RET: variants seen among roughly 807,000 people sequenced by gnomAD.
RET encodes ret proto-oncogene, also known as proto-oncogene tyrosine-protein kinase receptor Ret.
A neutral mutation model predicts 118.3 loss-of-function variants in RET; 19 were observed. That is an observed-to-expected ratio of 0.16 (90% CI 0.11 to 0.24). The LOEUF is 0.24. RET is among the 10% of genes least tolerant of loss of function. RET has a pLI of 1.00. For missense variants in RET, 1,219 were observed against 1,502.1 expected, an observed-to-expected ratio of 0.81 and a Z score of 3.12; for synonymous variants, 597 against 644.1, an observed-to-expected ratio of 0.93 and a Z score of 1.11.
At position 43,129,913 on chromosome 10, in the gene RET, G is replaced by C. The variant is rs117119161; in HGVS notation, c.*1644G>C. Reference sequence around the variant, plus strand: ...TATCTATAGACATGGTAAACTTTTGGTTTTCAGATATGCTTAATGATAGTC... The same window carrying C: ...TATCTATAGACATGGTAAACTTTTGCTTTTCAGATATGCTTAATGATAGTC... On this transcript the variant is annotated 3_prime_UTR_variant, in exon 20 of 20. Coordinates refer to ENST00000355710, the MANE Select transcript of RET (RefSeq NM_020975.6). 5.2e-4 allele frequency: 206 copies of C among 398,906 alleles called. No individual in the cohort carries two copies. In the Middle Eastern group the frequency reaches 0.014, roughly 27 times the overall value. The allele number at this position is 398,906 out of a possible 1,614,324, so 24.7% of individuals were successfully genotyped here.
chr10:43,108,209 G>A (rs898584117), intron 5 of RET, among the ~76,000 whole-genome samples: 10 of 151,822 alleles, frequency 6.6e-5, no homozygotes, highest in Non-Finnish European at 1.5e-4. Flanking sequence ...CAAAAAATTA[G>A]CCAGGCGTGG....
At position 43,119,704 on chromosome 10, in the gene RET, T is replaced by G. The variant is rs1838163811; in HGVS notation, c.2566T>G (p.Trp856Gly). Reference sequence around the variant, plus strand: ...CATGGGCGACCTCATCTCATTTGCCTGGCAGATCTCACAGGGGATGCAGTA... The same window carrying G: ...CATGGGCGACCTCATCTCATTTGCCGGGCAGATCTCACAGGGGATGCAGTA... ...LTMGDLISFAWQISQGMQYLA... is the reference protein window; with the variant it reads ...LTMGDLISFAGQISQGMQYLA... The change falls in exon 14 of 20, where the codon TGG (tryptophan) becomes GGG (glycine). Residue 856 changes from tryptophan (W) to glycine (G), a missense_variant. Transcript: ENST00000355710. 1 of 1,613,524 alleles carries G rather than the reference T, an allele frequency of 6.2e-7. No homozygotes were observed. The highest frequency in any genetic ancestry group is 1.3e-5 in the African/African-American group (1 of 75,036).
intron 18 of RET, 40 bp downstream of exon 18, chr10:43,125,022 T>C (rs1279713062): frequency 1.3e-6 from 2 of 1,590,200 alleles, no homozygotes; most frequent in African/African-American, 2.7e-5. Flanking sequence ...TGAAAGTGGC[T>C]TGGGGAGACT....
At position 43,108,264 on chromosome 10, in the gene RET, G is replaced by A. The variant is rs1837830357; in HGVS notation, c.1064-767G>A. Among the ~76,000 whole-genome samples the A allele has an allele frequency of 2.0e-5, 3 of 152,130 alleles. 1 individual carries two copies. The highest frequency in any genetic ancestry group is 4.4e-5 in the Non-Finnish European group (3 of 68,026). ...AGGAACCTGGGAGGCTGAGGTGGGA[G>A]GATGGCTGGAGCCTGGGAGGTCAAG... On this transcript the variant is annotated intron_variant, in intron 5 of 19. Coordinates refer to ENST00000355710, the MANE Select transcript of RET (RefSeq NM_020975.6).
At chr10:43,125,339 G>C (rs549266714) in intron 18 of RET, among the ~76,000 whole-genome samples, 3 of 152,274 alleles carry the variant, frequency 2.0e-5, no homozygotes, top group Non-Finnish European at 2.9e-5. Flanking sequence ...ATGCCCAGAG[G>C]GGGGTCCGGC....
In RET at chr10:43,077,229, C is replaced by T. The variant is rs1382883821; in HGVS notation, c.-30C>T. 6.7e-6 allele frequency: 10 copies of T among 1,490,078 alleles called. No homozygotes were observed. The highest frequency in any genetic ancestry group is 8.9e-6 in the Non-Finnish European group (10 of 1,124,992). The allele number at this position is 1,490,078 out of a possible 1,614,324, so 92.3% of individuals were successfully genotyped here. On this transcript the variant is annotated 5_prime_UTR_variant, in exon 1 of 20. Transcript: ENST00000355710. The stretch of plus-strand genomic sequence containing the variant: ...GACCCGCCGGCCCTAGCCGCAGTCC[C>T]TCCAGCCGTGGCCCCAGCGCGCACG...
rs539533811 is a variant in RET at position 43,106,205 on chromosome 10, C to A, written c.868-171C>A. ...AGGTGACGGCCAGGCTGGCCAGTGACCCCGTGGGAACTTGAACCCAGGTCA... is the reference window on the plus strand; with the variant it reads ...AGGTGACGGCCAGGCTGGCCAGTGAACCCGTGGGAACTTGAACCCAGGTCA... On this transcript the variant is annotated intron_variant, in intron 4 of 19. Transcript: ENST00000355710. The surrounding 1 kb of genome is among the most constrained non-coding windows in gnomAD (Gnocchi z 5.1). Among the ~76,000 whole-genome samples, 1 of 152,222 alleles carries A rather than the reference C, an allele frequency of 6.6e-6. No individual in the cohort carries two copies. Among genetic ancestry groups the A allele is most frequent in the Admixed American group, 6.5e-5 (1 of 15,288 alleles).
chr10:43,118,546 G>A, intron 13 of RET, 66 bp downstream of exon 13: 1 of 1,178,876 alleles, frequency 8.5e-7, no homozygotes, highest in East Asian at 2.4e-5. Flanking sequence ...ATACAGCCCT[G>A]TTCTCCCTCT....
intron 11 of RET, among the ~76,000 whole-genome samples, chr10:43,115,049 G>C (rs980910763): frequency 1.3e-5 from 2 of 152,170 alleles, no homozygotes; most frequent in Non-Finnish European, 1.5e-5. Flanking sequence ...CTGGCCTGCA[G>C]GTCTGCATGT....
At chr10:43,113,998 G>A (rs1588873661) in intron 10 of RET, among the ~76,000 whole-genome samples, 1 of 152,182 alleles carries the variant, frequency 6.6e-6, no homozygotes, top group African/African-American at 2.4e-5. Context: ...CAGCAGGTAT[G>A]GTGGGTTGCA....
intron 19 of RET, chr10:43,126,950 C>T (rs1838349341): frequency 7.0e-7 from 1 of 1,421,432 alleles, no homozygotes; most frequent in South Asian, 1.5e-5. Context: ...CCACATTGCC[C>T]AGCAACTTAG....
intron 15 of RET, 44 bp downstream of exon 15, chr10:43,120,247 G>A (rs2132966075): frequency 6.2e-7 from 1 of 1,609,310 alleles, no homozygotes; most frequent in Non-Finnish European, 8.5e-7. Flanking sequence ...GGGATCCCAG[G>A]TGCACCATGG....
Position 43,100,333 on chromosome 10 carries a change from G to T in RET, c.74-126G>T, listed in dbSNP as rs2565206. On this transcript the variant is annotated intron_variant, in intron 1 of 19. Coordinates refer to ENST00000355710, the MANE Select transcript of RET (RefSeq NM_020975.6). ...ACTATACAAATAATTGAGTGTTCAT[G>T]TTCTCAGGAACAGAGATGAAAAACT... The T allele has an allele frequency of 0.33, 368,468 of 1,104,434 alleles. 65,741 individuals carry two copies. The highest frequency in any genetic ancestry group is 0.59 in the African/African-American group (37,971 of 63,948). The allele number at this position is 1,104,434 out of a possible 1,614,324, so 68.4% of individuals were successfully genotyped here.
chr10:43,108,972 C>CTACA, intron 5 of RET, 59 bp from the exon 6 acceptor site: 1 of 1,520,484 alleles, frequency 6.6e-7, no homozygotes, highest in South Asian at 1.1e-5. Context: ...AAGAGGTGTG[C>CTACA]TACACATGAG....
chr10:43,095,126 T>A (rs2132620932), intron 1 of RET, among the ~76,000 whole-genome samples: 1 of 152,224 alleles, frequency 6.6e-6, no homozygotes, highest in African/African-American at 2.4e-5. Context: ...AGGAGCTGGA[T>A]GCTAGGCTGG....
At chr10:43,095,267 G>A (rs1180027266) in intron 1 of RET, among the ~76,000 whole-genome samples, 1 of 152,174 alleles carries the variant, frequency 6.6e-6, no homozygotes, top group East Asian at 1.9e-4. Flanking sequence ...CATGCTTTGG[G>A]TATGTGCTAG....
At position 43,118,407 on chromosome 10, in the gene RET, G is replaced by A. The variant is rs1270003828; in HGVS notation, c.2319G>A (p.Leu773=). 1.9e-6 allele frequency: 3 copies of A among 1,614,046 alleles called. No homozygotes were observed. Among genetic ancestry groups the A allele is most frequent in the Admixed American group, 1.7e-5 (1 of 60,006 alleles). Reference sequence around the variant, plus strand: ...CCCCGAGTGAGCTGCGAGACCTGCTGTCAGAGTTCAACGTCCTGAAGCAGG... The same window carrying A: ...CCCCGAGTGAGCTGCGAGACCTGCTATCAGAGTTCAACGTCCTGAAGCAGG... ...NASPSELRDL[L]SEFNVLKQVN... is the part of the protein sequence containing the mutation. The change falls in exon 13 of 20, where the codon CTG becomes CTA. Residue 773 remains leucine, a synonymous_variant. Transcript: ENST00000355710.
chr10:43,109,498 C>A (rs1256102035), intron 6 of RET, among the ~76,000 whole-genome samples: 1 of 152,182 alleles, frequency 6.6e-6, no homozygotes, highest in Non-Finnish European at 1.5e-5. Flanking sequence ...AATGCAAGAG[C>A]AATACTGGGT....
At chr10:43,118,711 G>A (rs551375011) in intron 13 of RET, among the ~76,000 whole-genome samples, 1 of 152,276 alleles carries the variant, frequency 6.6e-6, no homozygotes, top group Non-Finnish European at 1.5e-5. Context: ...CACTCCCTGG[G>A]CCCACAGGGC....
Sources: allele counts gnomAD v4.1 joint callset (sites outside exome capture counted in the v4.1 genomes callset), GRCh38; gene constraint gnomAD v4.1.1; non-coding constraint Gnocchi (gnomAD v3.1); transcripts MANE v1.5; gene names NCBI Gene and HGNC (gene_info 2026-07-23, HGNC 2026-07-21).